Variants in PRDM16 observed in about 807,000 individuals in gnomAD.
PRDM16 encodes PR/SET domain 16.
PRDM16 carries 23 observed loss-of-function variants against 110.6 expected under a neutral mutation model. That is an observed-to-expected ratio of 0.21 (90% CI 0.15 to 0.29). PRDM16 has a LOEUF of 0.29. Among genes scored for constraint, PRDM16 ranks in the 10% least tolerant of loss-of-function variants. PRDM16 has a pLI of 1.00. For missense variants in PRDM16, 1,615 were observed against 1,794.3 expected, an observed-to-expected ratio of 0.90 and a Z score of 1.81; for synonymous variants, 799 against 781.8, an observed-to-expected ratio of 1.02 and a Z score of -0.37.
At chr1:3,256,123 G>A (rs983534665) in intron 3 of PRDM16, among the ~76,000 whole-genome samples, 1 of 152,344 alleles carries the variant, frequency 6.6e-6, no homozygotes, top group East Asian at 1.9e-4. Flanking sequence ...GGAGGGACGA[G>A]GAGAGGAGAC....
Position 3,326,995 on chromosome 1 carries a change from A to G in PRDM16, c.439-58157A>G, listed in dbSNP as rs545608019. 1.6e-3 allele frequency among the ~76,000 whole-genome samples: 242 copies of G among 152,342 alleles called. 2 individuals carry two copies. Among genetic ancestry groups the G allele is most frequent in the African/African-American group, 5.5e-3 (228 of 41,590 alleles). On this transcript the variant is annotated intron_variant, in intron 3 of 16. Coordinates refer to ENST00000270722, the MANE Select transcript of PRDM16 (RefSeq NM_022114.4). ...CGCCTGCCCTGGGAGGAGCCCACGCACAGGGCCTGGAGCGGGGCTGGGTGG... is the reference window on the plus strand; with the variant it reads ...CGCCTGCCCTGGGAGGAGCCCACGCGCAGGGCCTGGAGCGGGGCTGGGTGG...
rs1641999718 is a variant in PRDM16, at chr1:3,080,572, G to A, written c.37+11276G>A. ...AATAAGATCTACTAAGATATGCTGGGTGGTGTCCTCTGAAACCCCAAATTT... is the reference window on the plus strand; with the variant it reads ...AATAAGATCTACTAAGATATGCTGGATGGTGTCCTCTGAAACCCCAAATTT... On this transcript the variant is annotated intron_variant, in intron 1 of 16. Coordinates refer to ENST00000270722, the MANE Select transcript of PRDM16 (RefSeq NM_022114.4). The surrounding 1 kb of genome is among the most constrained non-coding windows in gnomAD (Gnocchi z 5.2). Among the ~76,000 whole-genome samples the A allele has an allele frequency of 6.6e-6, 1 of 152,170 alleles. No homozygotes were observed. Among genetic ancestry groups the A allele is most frequent in the African/African-American group, 2.4e-5 (1 of 41,438 alleles).
In PRDM16 at chr1:3,247,286, C is replaced by G. The variant is rs368892084; in HGVS notation, c.438+3149C>G. ...TTAATTAATTCAATCAGCAGCTTGG[C>G]ATATGAGCTGCAGAAAAGGTGGTAT... On this transcript the variant is annotated intron_variant, in intron 3 of 16. Transcript: ENST00000270722. Among the ~76,000 whole-genome samples the G allele has an allele frequency of 2.4e-4, 37 of 152,286 alleles. No homozygotes were observed. The East Asian group carries it at 6.8e-3, about 28-fold the overall frequency.
chr1:3,119,825 A>G (rs1014783473), intron 1 of PRDM16, among the ~76,000 whole-genome samples: 12 of 152,144 alleles, frequency 7.9e-5, no homozygotes, highest in African/African-American at 2.9e-4. Flanking sequence ...GTCACGCCGG[A>G]TTGTCCCCTG....
At chr1:3,286,979 C>A (rs915078560) in intron 3 of PRDM16, among the ~76,000 whole-genome samples, 2 of 150,260 alleles carry the variant, frequency 1.3e-5, no homozygotes, top group Non-Finnish European at 3.0e-5. Flanking sequence ...TGGGTCTGCC[C>A]AACCTTCCTG....
chr1:3,409,941 TGTG>T (rs1643651389), intron 8 of PRDM16, among the ~76,000 whole-genome samples: 1 of 103,362 alleles, frequency 9.7e-6, no homozygotes, highest in African/African-American at 3.9e-5. Flanking sequence ...ATGTGTGTGG[TGTG>T]GGTGTGTGTG....
chr1:3,251,909 C>T (rs1216118555), intron 3 of PRDM16, among the ~76,000 whole-genome samples: 1 of 152,188 alleles, frequency 6.6e-6, no homozygotes, highest in African/African-American at 2.4e-5. Flanking sequence ...GAACACACAC[C>T]TCAGCAAAGT....
chr1:3,360,167 C>T (rs1003493973), intron 3 of PRDM16, among the ~76,000 whole-genome samples: 20 of 152,334 alleles, frequency 1.3e-4, no homozygotes, highest in African/African-American at 4.6e-4. Flanking sequence ...TGTTCTTGAT[C>T]GGGAACGGGA....
intron 3 of PRDM16, among the ~76,000 whole-genome samples, chr1:3,313,652 C>T (rs1424161754): frequency 3.9e-5 from 6 of 152,260 alleles, no homozygotes; most frequent in African/African-American, 1.2e-4. Context: ...CCACTCACCC[C>T]GCCTGGGGGC....
At chr1:3,072,949 G>C (rs1316829189) in intron 1 of PRDM16, among the ~76,000 whole-genome samples, 1 of 152,260 alleles carries the variant, frequency 6.6e-6, no homozygotes, top group Non-Finnish European at 1.5e-5. Context: ...GGCTTGCCAA[G>C]CTGGCTTGTG....
At chr1:3,198,752 C>G (rs1638545239) in intron 2 of PRDM16, among the ~76,000 whole-genome samples, 1 of 152,208 alleles carries the variant, frequency 6.6e-6, no homozygotes, top group Non-Finnish European at 1.5e-5. Flanking sequence ...CTGCGGGAAC[C>G]CCCTTTGTCT....
intron 2 of PRDM16, among the ~76,000 whole-genome samples, chr1:3,226,305 TGTGGTGGG>T (rs1392901244): frequency 1.3e-5 from 2 of 152,214 alleles, no homozygotes; most frequent in Non-Finnish European, 2.9e-5. Flanking sequence ...GTTGACATGT[TGTGGTGGG>T]GTCATTCAGA....
intron 1 of PRDM16, among the ~76,000 whole-genome samples, chr1:3,117,745 G>A (rs891488501): frequency 2.0e-5 from 3 of 152,104 alleles, no homozygotes; most frequent in African/African-American, 7.2e-5. Context: ...CACAGGCCCG[G>A]GCCCGCCTTG....
At chr1:3,345,146 G>T (rs751980484) in intron 3 of PRDM16, among the ~76,000 whole-genome samples, 1 of 152,228 alleles carries the variant, frequency 6.6e-6, no homozygotes, top group African/African-American at 2.4e-5. Context: ...TACCAAGTAG[G>T]CTGCACAGTG....
chr1:3,372,192 G>A (rs1377026627), intron 3 of PRDM16, among the ~76,000 whole-genome samples: 2 of 152,236 alleles, frequency 1.3e-5, no homozygotes, highest in African/African-American at 4.8e-5. Flanking sequence ...GGGACCCCAG[G>A]GGTCCTTGGT....
At chr1:3,252,701 A>G (rs1014570687) in intron 3 of PRDM16, among the ~76,000 whole-genome samples, 3 of 151,954 alleles carry the variant, frequency 2.0e-5, no homozygotes, top group Admixed American at 6.6e-5. Context: ...CCATGAGACT[A>G]CTTCTCTGGT....
At chr1:3,276,031 G>A (rs997887921) in intron 3 of PRDM16, among the ~76,000 whole-genome samples, 6 of 152,322 alleles carry the variant, frequency 3.9e-5, no homozygotes, top group East Asian at 1.9e-4. Flanking sequence ...TGCCATTTCC[G>A]CTCTGCCGGC....
At chr1:3,099,319 A>G (rs997737136) in intron 1 of PRDM16, among the ~76,000 whole-genome samples, 1 of 152,238 alleles carries the variant, frequency 6.6e-6, no homozygotes, top group Non-Finnish European at 1.5e-5. Flanking sequence ...TTCCTGTAAC[A>G]TACAGACAGT....
chr1:3,317,522 A>C (rs1287070998), intron 3 of PRDM16, among the ~76,000 whole-genome samples: 1 of 150,768 alleles, frequency 6.6e-6, no homozygotes, highest in East Asian at 1.9e-4. Flanking sequence ...GGTTTCTAGC[A>C]GCGCCCTCCT....
Sources: allele counts gnomAD v4.1 joint callset (sites outside exome capture counted in the v4.1 genomes callset), GRCh38; gene constraint gnomAD v4.1.1; non-coding constraint Gnocchi (gnomAD v3.1); transcripts MANE v1.5; gene names NCBI Gene and HGNC (gene_info 2026-07-23, HGNC 2026-07-21).